The following BST1 variants were observed in gnomAD, a reference collection of about 807,000 sequenced individuals.
The protein encoded by BST1 is bone marrow stromal cell antigen 1, also known as ADP-ribosyl cyclase/cyclic ADP-ribose hydrolase 2.
In BST1, 49 loss-of-function variants were observed where a neutral mutation model predicts 40.6. The observed-to-expected ratio is 1.21, with a 90% confidence interval of 0.96 to 1.53. The LOEUF is 1.53. BST1 is among the 40% of genes most tolerant of loss of function. BST1 has a pLI of 0.00. For synonymous variants in BST1, 157 were observed against 159.3 expected (o/e 0.99, Z 0.11); for missense variants, 423 against 395.9 (o/e 1.07, Z -0.58).
chr4:15,715,560 G>T, intron 5 of BST1, 147 bp from the exon 6 acceptor site: 1 of 764,026 alleles, frequency 1.3e-6, no homozygotes, highest in South Asian at 2.1e-5. Context: ...GATGAATACA[G>T]GAATAAAAAG....
At chr4:15,754,479 A>G in the BST1 span, among the ~76,000 whole-genome samples, 1,486 of 152,210 alleles carry the variant, frequency 9.8e-3, 27 homozygotes, top group African/African-American at 0.034. Flanking sequence ...CTGGCTGTGA[A>G]CTCAGTGCCC....
At chr4:15,704,307 G>A (rs1366222463) in intron 1 of BST1, among the ~76,000 whole-genome samples, 6 of 146,706 alleles carry the variant, frequency 4.1e-5, no homozygotes, top group Non-Finnish European at 7.5e-5. Context: ...GGAGTTGAGG[G>A]GTGTGTGTTC....
At chr4:15,709,065 C>A (rs1340718007) in intron 3 of BST1, among the ~76,000 whole-genome samples, 2 of 152,000 alleles carry the variant, frequency 1.3e-5, no homozygotes, top group Non-Finnish European at 2.9e-5. Context: ...GCAGATAAGA[C>A]AATAAACAGG....
At chr4:15,710,060 A>G (rs1310535745) in intron 3 of BST1, among the ~76,000 whole-genome samples, 1 of 151,762 alleles carries the variant, frequency 6.6e-6, no homozygotes, top group East Asian at 1.9e-4. Flanking sequence ...GCAGCCTTGA[A>G]CTCCTGTGCT....
At chr4:15,716,070 G>T (rs1444842038) in intron 6 of BST1, among the ~76,000 whole-genome samples, 1 of 152,132 alleles carries the variant, frequency 6.6e-6, no homozygotes, top group East Asian at 1.9e-4. Context: ...CTTTGGATGG[G>T]TGAGTTCCTT....
Position 15,715,765 on chromosome 4 carries a change from A to T in BST1, c.670A>T (p.Ile224Phe). The stretch of plus-strand genomic sequence containing the variant: ...GAAGGAAAAAATTACACGAATCGAG[A>T]TCTGGGTTATGCATGAAATTGGGGG... ...LQKEKITRIE[I>F]WVMHEIGGPN... The change falls in exon 6 of 9, where the codon ATC becomes TTC. Residue 224 changes from isoleucine (I) to phenylalanine (F), a missense_variant. Transcript: ENST00000265016. 6.3e-7 allele frequency: 1 copy of T among 1,599,874 alleles called. No homozygotes were observed. Among genetic ancestry groups the T allele is most frequent in the Non-Finnish European group, 8.5e-7 (1 of 1,175,998 alleles).
the BST1 span, among the ~76,000 whole-genome samples, chr4:15,758,033 T>A: frequency 3.3e-5 from 5 of 152,258 alleles, no homozygotes; most frequent in Non-Finnish European, 5.9e-5. Context: ...TGACAATTTA[T>A]AATTGTGTAT....
At chr4:15,725,605 T>C (rs926981034) in intron 8 of BST1, among the ~76,000 whole-genome samples, 6 of 152,162 alleles carry the variant, frequency 3.9e-5, no homozygotes, top group Non-Finnish European at 8.8e-5. Context: ...ATCATACTCT[T>C]TCCAGACACG....
chr4:15,758,955 A>G, the BST1 span, among the ~76,000 whole-genome samples: 18 of 152,064 alleles, frequency 1.2e-4, 1 homozygote, highest in Admixed American at 1.0e-3. Context: ...GCTATGGCCT[A>G]CACACCTCAG....
the BST1 span, among the ~76,000 whole-genome samples, chr4:15,752,058 A>G: frequency 6.6e-6 from 1 of 152,156 alleles, no homozygotes; most frequent in Non-Finnish European, 1.5e-5. Context: ...TTGACAAGAG[A>G]GGTGTATGAT....
At chr4:15,756,295 CT>C in the BST1 span, among the ~76,000 whole-genome samples, 2 of 152,170 alleles carry the variant, frequency 1.3e-5, no homozygotes, top group African/African-American at 4.8e-5. Context: ...TAAAACTGAG[CT>C]GTCAAAGACC....
chr4:15,731,611 G>A (rs893707130), intron 8 of BST1, 129 bp from the exon 9 acceptor site: 79 of 1,291,904 alleles, frequency 6.1e-5, no homozygotes, highest in Non-Finnish European at 8.2e-5. Context: ...GGTGTCACGG[G>A]AGACTTTGCT....
chr4:15,772,200 C>G, the BST1 span, among the ~76,000 whole-genome samples: 2 of 152,082 alleles, frequency 1.3e-5, no homozygotes, highest in Admixed American at 1.3e-4. Context: ...TGTGGCAGGA[C>G]TCAGATGTTT....
the BST1 span, among the ~76,000 whole-genome samples, chr4:15,767,828 C>T: frequency 6.6e-6 from 1 of 151,844 alleles, no homozygotes; most frequent in African/African-American, 2.4e-5. Context: ...ACCATGTTGG[C>T]CAGGCTGGTC....
At chr4:15,748,556 G>A in the BST1 span, among the ~76,000 whole-genome samples, 1 of 152,174 alleles carries the variant, frequency 6.6e-6, no homozygotes, top group Non-Finnish European at 1.5e-5. Context: ...TTTAATGAAG[G>A]ATATCTGCCA....
rs1317232753 is a variant in BST1, at chr4:15,709,961, A to G, written c.452-1846A>G. ...TCTTTTTTATTTTATTTATTTATTT[A>G]TTTATATTTTAAAATCATTATTATT... On this transcript the variant is annotated intron_variant, in intron 3 of 8. Coordinates refer to ENST00000265016, the MANE Select transcript of BST1 (RefSeq NM_004334.3). Among the ~76,000 whole-genome samples, 3 of 151,966 alleles carry G rather than the reference A, an allele frequency of 2.0e-5. No individual in the cohort carries two copies. In the East Asian group the frequency reaches 5.8e-4, roughly 29 times the overall value.
the BST1 span, among the ~76,000 whole-genome samples, chr4:15,773,890 T>C: frequency 0.05 from 7,616 of 152,208 alleles, 610 homozygotes; most frequent in African/African-American, 0.17. Flanking sequence ...TGCTTAAAGT[T>C]TCTACTTCCC....
the BST1 span, among the ~76,000 whole-genome samples, chr4:15,763,843 C>T: frequency 1.3e-5 from 2 of 151,944 alleles, no homozygotes; most frequent in Non-Finnish European, 2.9e-5. Context: ...TGTATGATTC[C>T]AGCTGTATGA....
the BST1 span, among the ~76,000 whole-genome samples, chr4:15,747,301 C>T: frequency 6.6e-5 from 10 of 152,180 alleles, no homozygotes; most frequent in South Asian, 2.1e-4. Flanking sequence ...GTCTCAGATT[C>T]GTGCCTGTCA....
Sources: allele counts gnomAD v4.1 joint callset (sites outside exome capture counted in the v4.1 genomes callset), GRCh38; gene constraint gnomAD v4.1.1; transcripts MANE v1.5; gene names NCBI Gene and HGNC (gene_info 2026-07-23, HGNC 2026-07-21).